Variants in PLEKHG5 observed in about 807,000 individuals in gnomAD.
PLEKHG5 encodes the protein pleckstrin homology and RhoGEF domain containing G5, also known as pleckstrin homology domain-containing family G member 5.
A neutral mutation model predicts 103.8 loss-of-function variants in PLEKHG5; 52 were observed. The ratio of observed to expected loss-of-function variants is 0.50; its 90% CI spans 0.40 to 0.63. PLEKHG5 has a LOEUF of 0.63. Among genes scored for constraint, PLEKHG5 ranks in the 30% least tolerant of loss-of-function variants. PLEKHG5 has a pLI of 0.00. For missense variants in PLEKHG5, 1,205 were observed against 1,347.6 expected (o/e 0.89, Z 1.66); for synonymous variants, 592 against 575.5 (o/e 1.03, Z -0.41).
chr1:6,516,230 C>A (rs993497494), intron 1 of PLEKHG5, among the ~76,000 whole-genome samples: 1 of 151,800 alleles, frequency 6.6e-6, no homozygotes, highest in Admixed American at 6.6e-5. Context: ...CAGAGACCAG[C>A]CTAAGCGATA....
rs369440409 is a variant in PLEKHG5, at chr1:6,467,951, G to A, written c.2885C>T (p.Ser962Leu). 56 of 1,572,212 alleles carry A rather than the reference G, an allele frequency of 3.6e-5. No individual in the cohort carries two copies. Among genetic ancestry groups the A allele is most frequent in the African/African-American group, 2.0e-4 (15 of 73,910 alleles). The change falls in exon 20 of 21, where the codon TCG becomes TTG. Residue 962 changes from serine (S) to leucine (L), a missense_variant. By Grantham distance (145) the Ser-to-Leu change is moderately radical. Transcript: ENST00000377728. ...AGGCTGGACCCTGGGAGAGGCCCCCGAGGGCAGGTCTCCACACCTCTTCCT... is the reference window on the plus strand; with the variant it reads ...AGGCTGGACCCTGGGAGAGGCCCCCAAGGGCAGGTCTCCACACCTCTTCCT... ...SHRKRCGDLPSGASPRVQPEP... is the reference protein window; with the variant it reads ...SHRKRCGDLPLGASPRVQPEP...
intron 10 of PLEKHG5, 35 bp downstream of exon 10, chr1:6,472,492 G>A (rs1290367861): frequency 7.1e-7 from 1 of 1,413,794 alleles, no homozygotes; most frequent in Non-Finnish European, 1.0e-6. Context: ...GAGGGGGGCA[G>A]GGTGGCCACG....
chr1:6,476,061 G>A, intron 2 of PLEKHG5, 25 bp from the exon 3 acceptor site: 1 of 1,595,044 alleles, frequency 6.3e-7, no homozygotes. Context: ...GGAGAGGGTT[G>A]TGCCTCCCCC....
At chr1:6,475,801 G>A in intron 3 of PLEKHG5, 130 bp downstream of exon 3, 1 of 867,508 alleles carries the variant, frequency 1.2e-6, no homozygotes, top group Non-Finnish European at 1.9e-6. Flanking sequence ...GACAGCCACA[G>A]GCGTGGGAAG....
chr1:6,475,963 C>A lies in PLEKHG5; in HGVS notation c.117G>T (p.Glu39Asp), dbSNP rs377673289. Residue 39 changes from glutamate (E) to aspartate (D), a missense_variant, in exon 3 of 21, where the codon GAG becomes GAT. Glu to Asp is a conservative substitution (Grantham distance 45, BLOSUM62 2). Coordinates refer to ENST00000377728, the MANE Select transcript of PLEKHG5 (RefSeq NM_020631.6). ...PRTSPAVDLE[E>D]EEEESSVDGK... Reference sequence around the variant, plus strand: ...CATCCACAGAGCTCTCCTCCTCCTCCTCCTCCAAGTCCACTGCGGGGCTGG... The same window carrying A: ...CATCCACAGAGCTCTCCTCCTCCTCATCCTCCAAGTCCACTGCGGGGCTGG... 3.1e-6 allele frequency: 5 copies of A among 1,614,100 alleles called. No homozygotes were observed. The South Asian group carries it at 5.5e-5, about 18-fold the overall frequency.
In PLEKHG5 at chr1:6,469,679, G is replaced by A. The variant is rs1382013921; in HGVS notation, c.1801-3C>T. ...AAGAGGAAGCAGTACACATCCATCTGCAGTGGCAGGAGGGGGGGTGGCCAG... is the reference window on the plus strand; with the variant it reads ...AAGAGGAAGCAGTACACATCCATCTACAGTGGCAGGAGGGGGGGTGGCCAG... On this transcript the variant is annotated splice_region_variant and splice_polypyrimidine_tract_variant and intron_variant, in intron 16 of 20. Transcript: ENST00000377728. 2 of 1,612,052 alleles carry A rather than the reference G, an allele frequency of 1.2e-6. No homozygotes were observed. Among genetic ancestry groups the A allele is most frequent in the South Asian group, 1.1e-5 (1 of 91,042 alleles).
chr1:6,495,283 C>T (rs924675968), upstream of PLEKHG5, among the ~76,000 whole-genome samples: 1 of 152,254 alleles, frequency 6.6e-6, no homozygotes, highest in Non-Finnish European at 1.5e-5. Flanking sequence ...GACATCACAC[C>T]GCCCCCCTGC....
chr1:6,478,243 C>A (rs1318529978), intron 1 of PLEKHG5, among the ~76,000 whole-genome samples: 2 of 152,098 alleles, frequency 1.3e-5, no homozygotes, highest in South Asian at 4.1e-4. Context: ...ACAATCATGG[C>A]TCACTGCAGC....
chr1:6,477,710 TCGACCC>T, intron 1 of PLEKHG5, 52 bp from the exon 2 acceptor site: 1 of 1,577,742 alleles, frequency 6.3e-7, no homozygotes, highest in Non-Finnish European at 8.5e-7. Context: ...ACCACATCCC[TCGACCC>T]CGGCCCAGCG....
upstream of PLEKHG5, chr1:6,497,389 G>A (rs1380045550): frequency 2.8e-6 from 3 of 1,062,558 alleles, no homozygotes; most frequent in East Asian, 1.2e-4. The surrounding 1 kb of genome is among the most constrained non-coding windows in gnomAD (Gnocchi z 6.1). Flanking sequence ...CCGGGGACTG[G>A]GAGGCCGCAG....
rs1034199215 is a variant in PLEKHG5 at position 6,486,386 on chromosome 1, C to T, written c.-88+5251G>A. On this transcript the variant is annotated intron_variant, in intron 1 of 20. Coordinates refer to ENST00000377728, the MANE Select transcript of PLEKHG5 (RefSeq NM_020631.6). This position sits in a 1 kb window ranked among gnomAD's most constrained non-coding sequence, Gnocchi z 5.3. The stretch of plus-strand genomic sequence containing the variant: ...CTCTCATCTCAGCCCCTCCCATCAA[C>T]CTGGAGACCCCTGCCCGAGAGCCTG... 3.3e-5 allele frequency among the ~76,000 whole-genome samples: 5 copies of T among 152,074 alleles called. No homozygotes were observed. In the South Asian group the frequency reaches 6.2e-4, roughly 19 times the overall value.
intron 20 of PLEKHG5, 90 bp downstream of exon 20, chr1:6,467,735 A>C: frequency 6.5e-7 from 1 of 1,536,238 alleles, no homozygotes; most frequent in East Asian, 2.3e-5. Flanking sequence ...CTCCGCCATG[A>C]CCCTCCCCAA....
upstream of PLEKHG5, chr1:6,496,416 G>T: frequency 8.8e-7 from 1 of 1,135,064 alleles, no homozygotes; most frequent in East Asian, 2.5e-5. Context: ...GTGGATAGCT[G>T]GTGCTGGGAT....
upstream of PLEKHG5, among the ~76,000 whole-genome samples, chr1:6,498,643 G>A (rs537671524): frequency 3.3e-5 from 5 of 152,274 alleles, no homozygotes; most frequent in East Asian, 7.7e-4. Flanking sequence ...GGGGGCTCTC[G>A]AGGAGGGGCT....
intron 18 of PLEKHG5, 35 bp from the exon 19 acceptor site, chr1:6,469,276 G>C: frequency 1.2e-6 from 2 of 1,613,578 alleles, no homozygotes; most frequent in Non-Finnish European, 1.7e-6. Flanking sequence ...GGACAGAATG[G>C]GTTGTGACCA....
upstream of PLEKHG5, chr1:6,497,167 C>T: frequency 1.1e-6 from 1 of 928,158 alleles, no homozygotes; most frequent in South Asian, 1.4e-5. The surrounding 1 kb of genome is among the most constrained non-coding windows in gnomAD (Gnocchi z 6.1). Flanking sequence ...GAGGCAGGCC[C>T]CGACTTGGGG....
At chr1:6,471,214 G>C (rs1212936733) in intron 12 of PLEKHG5, 114 bp from the exon 13 acceptor site, 1 of 899,926 alleles carries the variant, frequency 1.1e-6, no homozygotes, top group Non-Finnish European at 1.8e-6. Context: ...CACCCCAAGG[G>C]GGCAGCAAGC....
chr1:6,475,585 G>T (rs769806838), intron 3 of PLEKHG5, 63 bp from the exon 4 acceptor site: 1 of 1,420,902 alleles, frequency 7.0e-7, no homozygotes, highest in Non-Finnish European at 9.9e-7. Flanking sequence ...CGTGGGCGGC[G>T]AGTGGGCCTG....
intron 4 of PLEKHG5, 65 bp downstream of exon 4, chr1:6,475,397 C>T (rs1644736874): frequency 2.8e-6 from 4 of 1,426,906 alleles, no homozygotes; most frequent in Non-Finnish European, 4.0e-6. Flanking sequence ...GGAGGAAGGC[C>T]CAGGCTCGGG....
Sources: gnomAD v4.1 joint callset for allele counts (sites outside exome capture counted in the v4.1 genomes callset) on GRCh38, gnomAD v4.1.1 for gene constraint, Gnocchi (gnomAD v3.1) non-coding constraint, MANE v1.5 for transcripts, NCBI Gene and HGNC (gene_info 2026-07-23, HGNC 2026-07-21) for gene names.